GSTZ1: variants seen among roughly 807,000 people sequenced by gnomAD.
GSTZ1 encodes maleylacetoacetate isomerase.
Under a neutral mutation model 35.9 loss-of-function variants are expected in GSTZ1, and 34 were observed. That is an observed-to-expected ratio of 0.95 (90% CI 0.72 to 1.26). The LOEUF is 1.26. Ranked by LOEUF, GSTZ1 falls within the 50% of genes most tolerant of loss-of-function variation. GSTZ1 has a pLI of 0.00. For missense variants in GSTZ1, 263 were observed against 271.7 expected (o/e 0.97, Z 0.23); for synonymous variants, 93 against 101.2 (o/e 0.92, Z 0.49).
At chr14:77,330,950 C>A in intron 8 of GSTZ1, 119 bp from the exon 9 acceptor site, 1 of 921,428 alleles carries the variant, frequency 1.1e-6, no homozygotes. Context: ...CCCCATCGTC[C>A]TTCCCTGGAC....
intron 8 of GSTZ1, among the ~76,000 whole-genome samples, chr14:77,330,821 A>G (rs1345361052): frequency 6.6e-6 from 1 of 152,184 alleles, no homozygotes; most frequent in East Asian, 1.9e-4. Context: ...GAGTCTGTAT[A>G]TATAAATGCC....
chr14:77,324,299 C>A, intron 1 of GSTZ1: 1 of 416,614 alleles, frequency 2.4e-6, no homozygotes, highest in Non-Finnish European at 4.5e-6. Context: ...CCCACTACCA[C>A]ACCTGGCTGA....
intron 1 of GSTZ1, chr14:77,321,421 C>CCT: frequency 6.5e-7 from 1 of 1,527,156 alleles, no homozygotes; most frequent in Non-Finnish European, 8.8e-7. Context: ...AGGGTGGAGT[C>CCT]GCTGTCCGGT....
At position 77,329,141 on chromosome 14, in the gene GSTZ1, C is replaced by G; in HGVS notation, c.361C>G (p.Gln121Glu). Reference protein sequence around the residue: ...QPLQNLSVLKQVGEEMQLTWA... With the variant: ...QPLQNLSVLKEVGEEMQLTWA... The stretch of plus-strand genomic sequence containing the variant: ...TGCACAGAACCTGTCTGTCCTGAAG[C>G]AAGTGGGAGAGGAGATGCAGCTGAC... Residue 121 changes from glutamine to glutamate, a missense_variant, in exon 6 of 9, where the codon CAA becomes GAA. Gln to Glu is a conservative substitution (Grantham distance 29). Transcript: ENST00000216465. The G allele has an allele frequency of 6.2e-7, 1 of 1,612,700 alleles. No homozygotes were observed.
chr14:77,321,917 G>C (rs1296765894), intron 1 of GSTZ1, among the ~76,000 whole-genome samples: 3 of 151,668 alleles, frequency 2.0e-5, no homozygotes, highest in African/African-American at 4.8e-5. Context: ...GCGAGGAGAG[G>C]CAGTCATGAC....
rs1250269662 is a variant in GSTZ1, at chr14:77,321,307, G to C, written c.15+124G>C. Reference sequence around the variant, plus strand: ...AACGACTCCCGGCATGCAGTGCTTTGCGCCGGGCACGCTCTGCGCCTGCGT... The same window carrying C: ...AACGACTCCCGGCATGCAGTGCTTTCCGCCGGGCACGCTCTGCGCCTGCGT... On this transcript the variant is annotated intron_variant, in intron 1 of 8. Coordinates refer to ENST00000216465, the MANE Select transcript of GSTZ1 (RefSeq NM_145870.3). 3.3e-6 allele frequency: 5 copies of C among 1,527,476 alleles called. No individual in the cohort carries two copies. The South Asian group carries it at 4.8e-5, about 15-fold the overall frequency. 94.6% of individuals were successfully genotyped at this position (1,527,476 alleles called of 1,614,324 possible). A position where few individuals can be genotyped will look rare whatever the true frequency, so the allele number is the denominator to read the frequency against.
intron 1 of GSTZ1, 24 bp downstream of exon 1, chr14:77,321,207 A>T: frequency 1.3e-6 from 2 of 1,499,038 alleles, no homozygotes; most frequent in Non-Finnish European, 9.0e-7. Flanking sequence ...ACCCGGGTGG[A>T]GGGAAGCTGG....
At chr14:77,325,907 CGGCCTGTGTGCTTT>C (rs987019232) in intron 2 of GSTZ1, 45 of 152,430 alleles carry the variant, frequency 3.0e-4, no homozygotes, top group African/African-American at 9.9e-4. Context: ...GCTGTCTGTA[CGGCCTGTGTGCTTT>C]GGCCTTCCCT....
intron 5 of GSTZ1, 40 bp downstream of exon 5, chr14:77,328,077 C>T: frequency 1.2e-6 from 2 of 1,606,974 alleles, no homozygotes; most frequent in Non-Finnish European, 1.7e-6. Flanking sequence ...ACACCTGACA[C>T]ACTCTTACAC....
Position 77,324,847 on chromosome 14 carries a change from G to A in GSTZ1, c.16-23G>A, listed in dbSNP as rs369454433. On this transcript the variant is annotated intron_variant, in intron 1 of 8. Transcript: ENST00000216465. ...GCCCACCCAGCATGGGTTAACACGC[G>A]CCTTCATCCTCTCTCTCCTCAGCCC... The A allele has an allele frequency of 3.3e-5, 53 of 1,612,712 alleles. No individual in the cohort carries two copies. In the Admixed American group the frequency reaches 6.8e-4, roughly 21 times the overall value.
At chr14:77,321,411 A>C (rs1165099153) in intron 1 of GSTZ1, 2 of 1,529,306 alleles carry the variant, frequency 1.3e-6, no homozygotes, top group Admixed American at 2.0e-5. Flanking sequence ...AGTGCGTAGC[A>C]GGGTGGAGTC....
In GSTZ1 at chr14:77,324,891, C is replaced by T. The variant is rs766301072; in HGVS notation, c.37C>T (p.Arg13Ter). The part of the protein sequence containing the change: ...AGKPILYSYF[R>*]SSCSWRVRIA... ...TCAGCCCATCCTCTATTCCTATTTC[C>T]GAAGCTCCTGCTCATGGAGAGTTCG... The change falls in exon 2 of 9, where the codon CGA becomes TGA. Residue 13 changes from arginine to a stop codon, truncating the protein, a stop_gained. Coordinates refer to ENST00000216465, the MANE Select transcript of GSTZ1 (RefSeq NM_145870.3). LOFTEE classifies it high-confidence loss of function. 4 of 1,613,944 alleles carry T rather than the reference C, an allele frequency of 2.5e-6. No homozygotes were observed. The highest frequency in any genetic ancestry group is 2.2e-5 in the South Asian group (2 of 91,090).
chr14:77,324,990 A>G, intron 2 of GSTZ1, 69 bp downstream of exon 2: 1 of 1,320,330 alleles, frequency 7.6e-7, no homozygotes, highest in Non-Finnish European at 1.1e-6. Context: ...GCCCGGGTGC[A>G]AAGCTGGCCT....
chr14:77,328,013 C>A lies in GSTZ1; in HGVS notation c.318C>A (p.Ile106=). 2 of 1,614,006 alleles carry A rather than the reference C, an allele frequency of 1.2e-6. No individual in the cohort carries two copies. Among genetic ancestry groups the A allele is most frequent in the South Asian group, 1.1e-5 (1 of 91,044 alleles). The part of the protein sequence containing the change: ...RASVRMISDL[I]AGGIQPLQNL... ...GCGTGCGTATGATTTCTGACCTCAT[C>A]GCTGGTGGCATCCAGCCCCTGCAGG... Residue 106 remains isoleucine, a synonymous_variant, in exon 5 of 9, where the codon ATC becomes ATA. Coordinates refer to ENST00000216465, the MANE Select transcript of GSTZ1 (RefSeq NM_145870.3).
At chr14:77,328,970 T>G (rs1448318322) in intron 5 of GSTZ1, 153 bp from the exon 6 acceptor site, 3 of 501,874 alleles carry the variant, frequency 6.0e-6, no homozygotes, top group Non-Finnish European at 1.0e-5. Context: ...TCAGGGCCCT[T>G]GGTTGAAGGA....
At position 77,331,318 on chromosome 14, in the gene GSTZ1, C is replaced by A; in HGVS notation, c.*123C>A. On this transcript the variant is annotated 3_prime_UTR_variant, in exon 9 of 9. Coordinates refer to ENST00000216465, the MANE Select transcript of GSTZ1 (RefSeq NM_145870.3). Reference sequence around the variant, plus strand: ...ACTCGAACTCTAGCCCTGGATCTGCCTTCCTGCTGAAACTTGTTCCACCTC... The same window carrying A: ...ACTCGAACTCTAGCCCTGGATCTGCATTCCTGCTGAAACTTGTTCCACCTC... 1 of 1,159,446 alleles carries A rather than the reference C, an allele frequency of 8.6e-7. No individual in the cohort carries two copies. Among genetic ancestry groups the A allele is most frequent in the Non-Finnish European group, 1.2e-6 (1 of 843,544 alleles). The allele number at this position is 1,159,446 out of a possible 1,614,324, so 71.8% of individuals were successfully genotyped here.
rs1241322590 is a variant in GSTZ1 at position 77,329,066 on chromosome 14, AG to A, written c.343-53del. 6.5e-6 allele frequency: 8 copies of A among 1,237,296 alleles called. No individual in the cohort carries two copies. In the African/African-American group the frequency reaches 1.0e-4, roughly 16 times the overall value. The allele number at this position is 1,237,296 out of a possible 1,614,324, so 76.6% of individuals were successfully genotyped here. A position where few individuals can be genotyped will look rare whatever the true frequency, so the allele number is the denominator to read the frequency against. ...GAACTTCCCTGAGGGGGTTTGGCGA[AG>A]GGGTAGCCCCCACCCAGCTGTCAGC... On this transcript the variant is annotated intron_variant, in intron 5 of 8. Coordinates refer to ENST00000216465, the MANE Select transcript of GSTZ1 (RefSeq NM_145870.3).
At chr14:77,327,138 C>A in intron 3 of GSTZ1, 1 of 586,262 alleles carries the variant, frequency 1.7e-6, no homozygotes, top group East Asian at 2.8e-5. Flanking sequence ...CTCTCCAGTG[C>A]CTGACCCTGG....
Position 77,331,147 on chromosome 14 carries a change from G to C in GSTZ1, c.603G>C (p.Val201=). The change falls in exon 9 of 9, where the codon GTG becomes GTC. Residue 201 remains valine (V), a synonymous_variant. Coordinates refer to ENST00000216465, the MANE Select transcript of GSTZ1 (RefSeq NM_145870.3). ...KRLLVLEAFQ[V]SHPCRQPDTP... ...TGCTGGTCTTGGAGGCCTTCCAGGTGTCTCACCCCTGCCGGCAGCCAGATA... is the reference window on the plus strand; with the variant it reads ...TGCTGGTCTTGGAGGCCTTCCAGGTCTCTCACCCCTGCCGGCAGCCAGATA... 1.9e-6 allele frequency: 3 copies of C among 1,614,124 alleles called. No homozygotes were observed. Among genetic ancestry groups the C allele is most frequent in the Admixed American group, 3.3e-5 (2 of 60,026 alleles).
Sources: allele counts gnomAD v4.1 joint callset (sites outside exome capture counted in the v4.1 genomes callset), GRCh38; gene constraint gnomAD v4.1.1; transcripts MANE v1.5; gene names NCBI Gene and HGNC (gene_info 2026-07-23, HGNC 2026-07-21).